The following NYAP2 variants were observed in gnomAD, a reference collection of about 807,000 sequenced individuals.
The protein encoded by NYAP2 is neuronal tyrosine-phosphorylated phosphoinositide-3-kinase adaptor 2, also known as neuronal tyrosine-phosphorylated phosphoinositide-3-kinase adapter 2.
In NYAP2, 23 loss-of-function variants were observed where a neutral mutation model predicts 50.4. The observed-to-expected ratio is 0.46, with a 90% confidence interval of 0.33 to 0.65. The LOEUF (loss-of-function observed/expected upper bound fraction) is 0.65, where lower values mean the gene tolerates loss of function less well. Among genes scored for constraint, NYAP2 ranks in the 30% least tolerant of loss-of-function variants. The pLI, the probability that NYAP2 is intolerant of heterozygous loss-of-function variation, is 0.02. For missense variants in NYAP2, 885 were observed against 861.0 expected, an observed-to-expected ratio of 1.03 and a Z score of -0.35; for synonymous variants, 394 against 365.2, an observed-to-expected ratio of 1.08 and a Z score of -0.90.
intron 5 of NYAP2, among the ~76,000 whole-genome samples, chr2:225,626,636 G>A (rs1331704644): frequency 1.3e-5 from 2 of 152,156 alleles, no homozygotes; most frequent in Non-Finnish European, 2.9e-5. Context: ...TCTTAAATAA[G>A]TGTACTCAGA....
At chr2:225,628,551 G>C (rs1693253545) in intron 6 of NYAP2, among the ~76,000 whole-genome samples, 2 of 151,950 alleles carry the variant, frequency 1.3e-5, no homozygotes. Context: ...TCAAACTCCT[G>C]ACCTCAGGTG....
chr2:225,560,765 A>G lies in NYAP2; in HGVS notation c.524-21176A>G, dbSNP rs149671861. On this transcript the variant is annotated intron_variant, in intron 4 of 6. Coordinates refer to ENST00000636099, the Ensembl canonical transcript of NYAP2. ...AGCAAAACTATAGGGGCTTGGGGAA[A>G]CAAAGGAGCAGGGAAAATGGTTTTA... Among the ~76,000 whole-genome samples, 234 of 152,214 alleles carry G rather than the reference A, an allele frequency of 1.5e-3. 4 individuals are homozygous for G. The highest frequency in any genetic ancestry group is 5.6e-3 in the African/African-American group (231 of 41,544).
intron 5 of NYAP2, among the ~76,000 whole-genome samples, chr2:225,608,767 G>C (rs539238683): frequency 6.6e-6 from 1 of 152,078 alleles, no homozygotes; most frequent in Non-Finnish European, 1.5e-5. Context: ...TGTGATTTGG[G>C]TCACTTTTGC....
chr2:225,618,100 A>C (rs1187167861), intron 5 of NYAP2, among the ~76,000 whole-genome samples: 2 of 152,196 alleles, frequency 1.3e-5, no homozygotes, highest in Non-Finnish European at 2.9e-5. Flanking sequence ...CAACGTTTTA[A>C]TGTAATACCC....
chr2:225,602,372 G>A (rs530854466), intron 5 of NYAP2, among the ~76,000 whole-genome samples: 1 of 152,272 alleles, frequency 6.6e-6, no homozygotes, highest in South Asian at 2.1e-4. Context: ...CCAAAAAAGG[G>A]TGGGATTTGT....
At chr2:225,434,963 G>A (rs1199279777) in intron 3 of NYAP2, among the ~76,000 whole-genome samples, 1 of 152,214 alleles carries the variant, frequency 6.6e-6, no homozygotes, top group East Asian at 1.9e-4. Flanking sequence ...TATAGTTCTT[G>A]AAAGCTATTG....
rs145986015 is a variant in NYAP2, at chr2:225,497,454, A to T, written c.222-15917A>T. Among the ~76,000 whole-genome samples the T allele has an allele frequency of 4.7e-3, 723 of 152,336 alleles. 5 individuals are homozygous for T. Among genetic ancestry groups the T allele is most frequent in the African/African-American group, 0.016 (674 of 41,562 alleles). ...TGGGTTTTTAGAACTCTAAGGCCTG[A>T]CTTTTTAAATGGACTTCAAAAATGC... On this transcript the variant is annotated intron_variant, in intron 3 of 6. Transcript: ENST00000636099.
chr2:225,562,380 T>C (rs1193067324), intron 4 of NYAP2, among the ~76,000 whole-genome samples: 3 of 152,128 alleles, frequency 2.0e-5, no homozygotes, highest in Non-Finnish European at 4.4e-5. Flanking sequence ...GTCTCAATTA[T>C]CTCTATGAAT....
chr2:225,498,409 G>A (rs2106175811), intron 3 of NYAP2, among the ~76,000 whole-genome samples: 1 of 152,188 alleles, frequency 6.6e-6, no homozygotes, highest in African/African-American at 2.4e-5. Flanking sequence ...CAGGGGAGTG[G>A]AGGGAAGAAG....
intron 4 of NYAP2, among the ~76,000 whole-genome samples, chr2:225,570,906 G>A (rs1429866642): frequency 6.6e-6 from 1 of 152,190 alleles, no homozygotes; most frequent in Non-Finnish European, 1.5e-5. Context: ...ATCAAAGCAA[G>A]TTAGTTACTT....
intron 3 of NYAP2, among the ~76,000 whole-genome samples, chr2:225,474,144 G>T (rs908261397): frequency 2.6e-5 from 4 of 152,014 alleles, no homozygotes; most frequent in Non-Finnish European, 5.9e-5. Flanking sequence ...ATTTCTGAGG[G>T]CTCTGTTCTG....
intron 5 of NYAP2, among the ~76,000 whole-genome samples, chr2:225,596,832 C>CTTGCTTGCTTGT: frequency 6.6e-6 from 1 of 152,042 alleles, no homozygotes; most frequent in African/African-American, 2.4e-5. Flanking sequence ...AAGCAAGTAA[C>CTTGCTTGCTTGT]AAGCAGCAAG....
chr2:225,691,648 T>TG, the NYAP2 span, among the ~76,000 whole-genome samples: 19 of 152,158 alleles, frequency 1.2e-4, no homozygotes, highest in African/African-American at 4.3e-4. Flanking sequence ...ATAACACCCC[T>TG]GGCCGACCTC....
exon 4 of NYAP2, chr2:225,513,420 C>T (rs1482244318): frequency 6.2e-7 from 1 of 1,614,030 alleles, no homozygotes; most frequent in African/African-American, 1.3e-5. Flanking sequence ...CGTGGGCAAA[C>T]ATTTCCGCAT....
intron 3 of NYAP2, among the ~76,000 whole-genome samples, chr2:225,440,996 A>G (rs1223333406): frequency 1.3e-5 from 2 of 152,136 alleles, no homozygotes. Flanking sequence ...GCTCTCTATG[A>G]GTTACATTCT....
At chr2:225,460,992 C>CAA (rs869283101) in intron 3 of NYAP2, among the ~76,000 whole-genome samples, 465 of 42,404 alleles carry the variant, frequency 0.011, 6 homozygotes, top group African/African-American at 0.016. Flanking sequence ...GACTCTGTCT[C>CAA]AAAAAAAAAA....
Position 225,522,194 on chromosome 2 carries a change from CCTT to C in NYAP2, c.523+8523_523+8525del, listed in dbSNP as rs1691074747. 4.0e-5 allele frequency among the ~76,000 whole-genome samples: 6 copies of C among 151,852 alleles called. No homozygotes were observed. In the South Asian group the frequency reaches 1.2e-3, roughly 32 times the overall value. ...TTCTTTATTAGTCTTGCTTTATTAA[CCTT>C]TAATTATCTCTACATTTTCAAGTGT... On this transcript the variant is annotated intron_variant, in intron 4 of 6. Transcript: ENST00000636099.
At chr2:225,418,622 A>G (rs1695163932) in intron 3 of NYAP2, among the ~76,000 whole-genome samples, 2 of 152,164 alleles carry the variant, frequency 1.3e-5, no homozygotes, top group South Asian at 4.1e-4. Context: ...CAGAAGAATC[A>G]TGTTTGGTGA....
chr2:225,562,387 G>A (rs1404007129), intron 4 of NYAP2, among the ~76,000 whole-genome samples: 13 of 152,212 alleles, frequency 8.5e-5, no homozygotes, highest in South Asian at 8.3e-4. Context: ...TTATCTCTAT[G>A]AATTTAGGAA....
Sources: allele counts gnomAD v4.1 joint callset (sites outside exome capture counted in the v4.1 genomes callset), GRCh38; gene constraint gnomAD v4.1.1; transcripts MANE v1.5; gene names NCBI Gene and HGNC (gene_info 2026-07-23, HGNC 2026-07-21).